The following ETV7 variants were observed in gnomAD, a reference collection of about 807,000 sequenced individuals.
ETV7 encodes the protein ETS variant transcription factor 7.
In ETV7, 43 loss-of-function variants were observed where a neutral mutation model predicts 39.1. The observed-to-expected ratio is 1.10, with a 90% CI of 0.86 to 1.42. The LOEUF (loss-of-function observed/expected upper bound fraction) is 1.42, where lower values mean the gene tolerates loss of function less well. Ranked by LOEUF, ETV7 falls within the 40% of genes most tolerant of loss-of-function variation. ETV7 has a pLI of 0.00. For missense variants in ETV7, 432 were observed against 442.3 expected, an observed-to-expected ratio of 0.98 and a Z score of 0.21; for synonymous variants, 196 against 176.6, an observed-to-expected ratio of 1.11 and a Z score of -0.87.
exon 8 of ETV7, chr6:36,354,441 G>C (rs1772287614): frequency 2.3e-6 from 1 of 442,846 alleles, no homozygotes; most frequent in South Asian, 4.3e-5. Context: ...GATGGTGTAA[G>C]GTAAGGGGAC....
At chr6:36,372,742 G>T (rs933145523) in intron 4 of ETV7, among the ~76,000 whole-genome samples, 1 of 142,654 alleles carries the variant, frequency 7.0e-6, no homozygotes, top group Non-Finnish European at 1.5e-5. Context: ...TTGGTTTAGG[G>T]GCTGGGGGTG....
Position 36,370,166 on chromosome 6 carries a change from G to T in ETV7, c.665-1095C>A, listed in dbSNP as rs1257980115. On this transcript the variant is annotated intron_variant, in intron 5 of 7. Coordinates refer to ENST00000340181, the MANE Select transcript of ETV7 (RefSeq NM_016135.4). ...TCTGTGGCTTCATAGAATAAATGTG[G>T]TGTGGACATAACAATGGGAACAATA... is the stretch of plus-strand genomic sequence containing the variant. 2.0e-5 allele frequency among the ~76,000 whole-genome samples: 3 copies of T among 152,146 alleles called. No homozygotes were observed. In the East Asian group the frequency reaches 5.8e-4, roughly 29 times the overall value.
chr6:36,380,365 A>C lies in ETV7; in HGVS notation c.143-4330T>G, dbSNP rs180895964. Among the ~76,000 whole-genome samples the C allele has an allele frequency of 7.0e-4, 107 of 152,290 alleles. 2 individuals carry two copies. Among genetic ancestry groups the C allele is most frequent in the Admixed American group, 5.6e-3 (86 of 15,304 alleles). On this transcript the variant is annotated intron_variant, in intron 2 of 7. Coordinates refer to ENST00000340181, the MANE Select transcript of ETV7 (RefSeq NM_016135.4). The stretch of plus-strand genomic sequence containing the variant: ...TTCCCATTAACCATCTTTGTCTCTC[A>C]AGACTCCAGGCAAATGTCACCTCAC...
downstream of ETV7, among the ~76,000 whole-genome samples, chr6:36,363,580 G>C (rs112182509): frequency 1.3e-5 from 2 of 152,368 alleles, no homozygotes; most frequent in South Asian, 2.1e-4. Context: ...AAGAGCAAAA[G>C]AACAAAGCTC....
At chr6:36,380,447 C>A (rs1048983572) in intron 2 of ETV7, among the ~76,000 whole-genome samples, 1 of 152,226 alleles carries the variant, frequency 6.6e-6, no homozygotes, top group Non-Finnish European at 1.5e-5. Context: ...GCTCCCGACT[C>A]CCAGCTCCCA....
chr6:36,372,025 G>T (rs1328308029), intron 4 of ETV7, among the ~76,000 whole-genome samples: 1 of 152,162 alleles, frequency 6.6e-6, no homozygotes, highest in African/African-American at 2.4e-5. Context: ...AAAATAAAAA[G>T]GAAACAGAAA....
chr6:36,363,799 A>T (rs1244903588), downstream of ETV7, among the ~76,000 whole-genome samples: 2 of 151,754 alleles, frequency 1.3e-5, no homozygotes, highest in Non-Finnish European at 2.9e-5. Flanking sequence ...CAGTGTGGAC[A>T]CAAAGGTTCT....
At position 36,366,868 on chromosome 6, in the gene ETV7, C is replaced by T. The variant is rs1772749967; in HGVS notation, c.908+7G>A. The T allele has an allele frequency of 3.1e-6, 5 of 1,613,850 alleles. No individual in the cohort carries two copies. The East Asian group carries it at 1.1e-4, about 36-fold the overall frequency. Reference sequence around the variant, plus strand: ...TCCCCTTTCACCACATCCCCTAGGCCACTCACCTGAACAGGAGTTTCTGCC... The same window carrying T: ...TCCCCTTTCACCACATCCCCTAGGCTACTCACCTGAACAGGAGTTTCTGCC... On this transcript the variant is annotated splice_region_variant and intron_variant, in intron 7 of 7. Transcript: ENST00000340181.
chr6:36,364,688 C>A (rs1301967004), downstream of ETV7, among the ~76,000 whole-genome samples: 2 of 152,210 alleles, frequency 1.3e-5, no homozygotes, highest in Non-Finnish European at 2.9e-5. Context: ...CACAGTGCAG[C>A]GGTGGGATGA....
chr6:36,360,858 T>G (rs890552813), intron 7 of ETV7, among the ~76,000 whole-genome samples: 2 of 152,124 alleles, frequency 1.3e-5, no homozygotes, highest in Non-Finnish European at 2.9e-5. Flanking sequence ...AGCCTGTGAT[T>G]CTCCGGAGGG....
intron 2 of ETV7, among the ~76,000 whole-genome samples, chr6:36,384,804 G>T (rs1464879014): frequency 6.6e-6 from 1 of 151,960 alleles, no homozygotes; most frequent in East Asian, 1.9e-4. Context: ...CAGGAGAATC[G>T]CTTGAACCAG....
At position 36,373,977 on chromosome 6, in the gene ETV7, T is replaced by C. The variant is rs1382869604; in HGVS notation, c.308-399A>G. Among the ~76,000 whole-genome samples the C allele has an allele frequency of 3.9e-5, 6 of 152,174 alleles. No homozygotes were observed. In the South Asian group the frequency reaches 8.3e-4, roughly 21 times the overall value. Reference sequence around the variant, plus strand: ...AAGGCTCATGGGATTCCAAGCTTTATTGAAAGTCTGCCCTGCCTTCTAAGG... The same window carrying C: ...AAGGCTCATGGGATTCCAAGCTTTACTGAAAGTCTGCCCTGCCTTCTAAGG... On this transcript the variant is annotated intron_variant, in intron 3 of 7. Coordinates refer to ENST00000340181, the MANE Select transcript of ETV7 (RefSeq NM_016135.4).
downstream of ETV7, among the ~76,000 whole-genome samples, chr6:36,361,244 G>A (rs1772480603): frequency 6.6e-6 from 1 of 152,176 alleles, no homozygotes; most frequent in Non-Finnish European, 1.5e-5. Flanking sequence ...GTCCTTTGAG[G>A]GCCGAGGTGT....
intron 2 of ETV7, among the ~76,000 whole-genome samples, chr6:36,384,794 C>G (rs1773813597): frequency 6.6e-6 from 1 of 152,006 alleles, no homozygotes; most frequent in Non-Finnish European, 1.5e-5. Flanking sequence ...GAGGCTGAGG[C>G]AGGAGAATCG....
At chr6:36,378,707 T>G (rs1773497686) in intron 2 of ETV7, among the ~76,000 whole-genome samples, 1 of 152,184 alleles carries the variant, frequency 6.6e-6, no homozygotes, top group African/African-American at 2.4e-5. Context: ...ACTGATAATT[T>G]TTTGCTGTGA....
chr6:36,376,836 T>C (rs1376184146), intron 2 of ETV7, among the ~76,000 whole-genome samples: 2 of 149,816 alleles, frequency 1.3e-5, no homozygotes, highest in East Asian at 2.0e-4. Flanking sequence ...GCAGTGAGGC[T>C]CCCAGAGGTT....
intron 5 of ETV7, 49 bp from the exon 6 acceptor site, chr6:36,369,120 T>C (rs370605001): frequency 1.7e-5 from 28 of 1,608,228 alleles, no homozygotes; most frequent in Non-Finnish European, 2.3e-5. Context: ...ACTGGAGCTG[T>C]GAGGACAGGT....
At position 36,366,614 on chromosome 6, in the gene ETV7, CGGT is replaced by C; in HGVS notation, c.*28_*30del. ...ATGGGAGACTCGGTCCCTGCCCCAT[CGGT>C]ACCGGGTGCCTGGAGTCCACCTGCC... is the stretch of plus-strand genomic sequence containing the variant. On this transcript the variant is annotated 3_prime_UTR_variant, in exon 8 of 8. Transcript: ENST00000340181. 1 of 1,613,944 alleles carries C rather than the reference CGGT, an allele frequency of 6.2e-7. No homozygotes were observed. Among genetic ancestry groups the C allele is most frequent in the Non-Finnish European group, 8.5e-7 (1 of 1,179,918 alleles).
downstream of ETV7, among the ~76,000 whole-genome samples, chr6:36,362,457 CA>C (rs936315235): frequency 2.6e-3 from 391 of 149,748 alleles, 2 homozygotes; most frequent in African/African-American, 7.8e-3. Context: ...CAAAACACCT[CA>C]AAAAAAAAAT....
Sources: gnomAD v4.1 joint callset for allele counts (sites outside exome capture counted in the v4.1 genomes callset) on GRCh38, gnomAD v4.1.1 for gene constraint, MANE v1.5 for transcripts, NCBI Gene and HGNC (gene_info 2026-07-23, HGNC 2026-07-21) for gene names.